The following RALA variants were observed in gnomAD, a reference collection of about 807,000 sequenced individuals.
RALA encodes the protein ras-related protein Ral-A.
In RALA, 5 loss-of-function variants were observed where a neutral mutation model predicts 24.0. That is an observed-to-expected ratio of 0.21 (90% CI 0.11 to 0.44). RALA has a LOEUF of 0.44. Ranked by LOEUF, RALA falls within the 20% of genes least tolerant of loss-of-function variation. The pLI is 0.99. For synonymous variants in RALA, 77 were observed against 83.8 expected, an observed-to-expected ratio of 0.92 and a Z score of 0.44; for missense variants, 95 against 241.2, an observed-to-expected ratio of 0.39 and a Z score of 4.01.
intron 3 of RALA, among the ~76,000 whole-genome samples, chr7:39,693,440 G>A (rs1792866377): frequency 6.6e-6 from 1 of 152,090 alleles, no homozygotes; most frequent in Non-Finnish European, 1.5e-5. Context: ...CTGGGGGAGG[G>A]ATAGCATTAG....
At chr7:39,634,387 GATC>G (rs1239336314) in intron 1 of RALA, among the ~76,000 whole-genome samples, 1 of 152,178 alleles carries the variant, frequency 6.6e-6, no homozygotes, top group Non-Finnish European at 1.5e-5. Context: ...AAGATCCTCA[GATC>G]TTGTCCTGTG....
Position 39,628,132 on chromosome 7 carries a change from A to T in RALA, c.-38+4307A>T, listed in dbSNP as rs768713460. On this transcript the variant is annotated intron_variant, in intron 1 of 4. Transcript: ENST00000005257. ...TAGCCTCTCTTCCTTCCCCTAATCT[A>T]GTATACTCCTACTGGTCCTTCAGAA... Among the ~76,000 whole-genome samples, 5 of 151,728 alleles carry T rather than the reference A, an allele frequency of 3.3e-5. No individual in the cohort carries two copies. In the East Asian group the frequency reaches 9.7e-4, roughly 29 times the overall value.
intron 1 of RALA, among the ~76,000 whole-genome samples, chr7:39,641,927 CT>C (rs1399919847): frequency 2.0e-5 from 3 of 152,054 alleles, no homozygotes; most frequent in Non-Finnish European, 1.5e-5. Context: ...CCATATAGTA[CT>C]TTTTGGGATT....
intron 1 of RALA, among the ~76,000 whole-genome samples, chr7:39,667,749 C>G (rs151126400): frequency 6.6e-6 from 1 of 152,234 alleles, no homozygotes; most frequent in East Asian, 1.9e-4. Flanking sequence ...AAAAACATTT[C>G]TTTTTGAACT....
At chr7:39,669,278 C>T (rs1430564130) in intron 1 of RALA, among the ~76,000 whole-genome samples, 1 of 152,080 alleles carries the variant, frequency 6.6e-6, no homozygotes, top group Admixed American at 6.6e-5. Context: ...ACTTGCTCAC[C>T]TATGAACCTA....
chr7:39,636,351 C>T (rs1048583618), intron 1 of RALA, among the ~76,000 whole-genome samples: 5 of 152,168 alleles, frequency 3.3e-5, no homozygotes, highest in East Asian at 1.9e-4. Context: ...CCAGTTTTTC[C>T]GCAACTTCAC....
intron 1 of RALA, chr7:39,624,481 C>T (rs955792628): frequency 1.3e-5 from 2 of 152,076 alleles, no homozygotes; most frequent in African/African-American, 2.4e-5. Flanking sequence ...AGAGGTGTTT[C>T]CTCTGTGGTT....
At chr7:39,674,359 G>A (rs114306963) in intron 1 of RALA, among the ~76,000 whole-genome samples, 2 of 152,236 alleles carry the variant, frequency 1.3e-5, no homozygotes, top group East Asian at 3.9e-4. Context: ...ATACTCATAT[G>A]ATTTTTTTCA....
At chr7:39,644,041 T>C (rs1791884566) in intron 1 of RALA, among the ~76,000 whole-genome samples, 1 of 152,180 alleles carries the variant, frequency 6.6e-6, no homozygotes, top group Non-Finnish European at 1.5e-5. Context: ...TAAAAAATTA[T>C]TCAGTTAAAT....
At chr7:39,653,416 A>G (rs536557386) in intron 1 of RALA, among the ~76,000 whole-genome samples, 1 of 152,000 alleles carries the variant, frequency 6.6e-6, no homozygotes, top group Non-Finnish European at 1.5e-5. Flanking sequence ...AGCTTTGACT[A>G]CCTGGCTTAA....
intron 1 of RALA, among the ~76,000 whole-genome samples, chr7:39,682,665 C>T (rs577004766): frequency 9.2e-5 from 14 of 152,074 alleles, no homozygotes; most frequent in Middle Eastern, 3.2e-3. Flanking sequence ...CTTTCTAAGA[C>T]GGAGTCTCAC....
At chr7:39,657,427 C>T (rs1462058834) in intron 1 of RALA, among the ~76,000 whole-genome samples, 5 of 152,022 alleles carry the variant, frequency 3.3e-5, no homozygotes, top group Admixed American at 3.3e-4. Flanking sequence ...AAAAATTGTT[C>T]AATGAAACTT....
At chr7:39,698,778 T>G (rs1792965389) in intron 4 of RALA, among the ~76,000 whole-genome samples, 1 of 152,094 alleles carries the variant, frequency 6.6e-6, no homozygotes, top group Admixed American at 6.6e-5. Flanking sequence ...TCAGAGGCCC[T>G]GGGAAGTATG....
intron 1 of RALA, among the ~76,000 whole-genome samples, chr7:39,648,427 T>A (rs571395497): frequency 8.9e-4 from 135 of 151,998 alleles, no homozygotes; most frequent in Non-Finnish European, 1.7e-3. Flanking sequence ...TTTTTTTTTT[T>A]GTCTCTTTTC....
chr7:39,659,493 A>G (rs1443143314), intron 1 of RALA, among the ~76,000 whole-genome samples: 3 of 152,118 alleles, frequency 2.0e-5, no homozygotes, highest in Non-Finnish European at 4.4e-5. Flanking sequence ...TTTCATGAAA[A>G]GGAGTTAACA....
chr7:39,694,937 A>G (rs570414106), intron 3 of RALA, among the ~76,000 whole-genome samples: 1 of 151,788 alleles, frequency 6.6e-6, no homozygotes, highest in African/African-American at 2.4e-5. Context: ...TGCCTATAGT[A>G]TAGGTGTGCT....
chr7:39,676,459 T>C (rs1333645230), intron 1 of RALA, among the ~76,000 whole-genome samples: 1 of 152,256 alleles, frequency 6.6e-6, no homozygotes, highest in Non-Finnish European at 1.5e-5. Flanking sequence ...TTTTGGATTT[T>C]CTTCAGCTTT....
At chr7:39,642,631 G>A (rs1791839363) in intron 1 of RALA, among the ~76,000 whole-genome samples, 2 of 152,134 alleles carry the variant, frequency 1.3e-5, no homozygotes, top group African/African-American at 2.4e-5. Context: ...GTAAACCCCT[G>A]TAGTGATATT....
intron 4 of RALA, among the ~76,000 whole-genome samples, chr7:39,701,731 G>A (rs1793030850): frequency 6.6e-6 from 1 of 152,304 alleles, no homozygotes; most frequent in African/African-American, 2.4e-5. Flanking sequence ...AGACCATTAG[G>A]TGGAAGTTTC....
Sources: gnomAD v4.1 joint callset for allele counts (sites outside exome capture counted in the v4.1 genomes callset) on GRCh38, gnomAD v4.1.1 for gene constraint, MANE v1.5 for transcripts, NCBI Gene and HGNC (gene_info 2026-07-23, HGNC 2026-07-21) for gene names.